The following HMGB1 variants were observed in gnomAD, a reference collection of about 807,000 sequenced individuals.
The protein encoded by HMGB1 is high mobility group box 1.
For synonymous variants in HMGB1, 81 were observed against 84.0 expected (o/e 0.96, Z 0.19); for missense variants, 79 against 253.5 (o/e 0.31, Z 4.67).
At chr13:30,610,099 C>G (rs1161722390) in intron 1 of HMGB1, among the ~76,000 whole-genome samples, 1 of 151,796 alleles carries the variant, frequency 6.6e-6, no homozygotes, top group Non-Finnish European at 1.5e-5. Context: ...TTCTTAGTAA[C>G]TTTTTTTCTC....
In HMGB1 at chr13:30,583,757, T is replaced by C. The variant is rs1871010844; in HGVS notation, c.-15+32914A>G. Among the ~76,000 whole-genome samples the C allele has an allele frequency of 3.4e-5, 5 of 147,710 alleles. No individual in the cohort carries two copies. In the South Asian group the frequency reaches 1.1e-3, roughly 31 times the overall value. On this transcript the variant is annotated intron_variant, in intron 1 of 4. Coordinates refer to the HMGB1 transcript ENST00000405805. ...GGGAGGCTGAGGCAGGAGAATTGCT[T>C]GAACCCGGGAGGCGAAGGTTGCAGT...
intron 1 of HMGB1, among the ~76,000 whole-genome samples, chr13:30,582,528 C>T (rs1870946980): frequency 1.3e-5 from 2 of 151,968 alleles, no homozygotes; most frequent in Admixed American, 6.6e-5. Flanking sequence ...GTCCCAGCTA[C>T]TCGGGAGGCT....
chr13:30,554,586 A>G, intron 1 of HMGB1: 2 of 772,008 alleles, frequency 2.6e-6, no homozygotes, highest in South Asian at 2.7e-5. Flanking sequence ...CATTCACCGA[A>G]CAAAATAATG....
intron 1 of HMGB1, chr13:30,464,047 C>T (rs1317036870): frequency 1.5e-5 from 14 of 947,772 alleles, no homozygotes; most frequent in African/African-American, 1.4e-4. Context: ...ACCAACCAAA[C>T]CAAAGGTCAG....
At chr13:30,584,524 C>T (rs952382071) in intron 1 of HMGB1, among the ~76,000 whole-genome samples, 14 of 152,192 alleles carry the variant, frequency 9.2e-5, no homozygotes, top group Non-Finnish European at 2.1e-4. Context: ...AGGGCAGAGA[C>T]TGTTTCATTC....
chr13:30,510,600 C>A (rs990669812), intron 1 of HMGB1, among the ~76,000 whole-genome samples: 1 of 152,136 alleles, frequency 6.6e-6, no homozygotes, highest in Non-Finnish European at 1.5e-5. Flanking sequence ...AGGCTCATCA[C>A]TCAGTTTGTA....
At chr13:30,530,193 G>A (rs1224606532) in intron 1 of HMGB1, among the ~76,000 whole-genome samples, 1 of 152,100 alleles carries the variant, frequency 6.6e-6, no homozygotes, top group African/African-American at 2.4e-5. Context: ...TTCTTGTGAT[G>A]GGTCACAAAA....
intron 1 of HMGB1, among the ~76,000 whole-genome samples, chr13:30,596,101 T>C (rs1871597999): frequency 6.6e-6 from 1 of 152,126 alleles, no homozygotes; most frequent in Admixed American, 6.5e-5. Context: ...TGGTAAGAAA[T>C]ATTAGGTGAT....
intron 1 of HMGB1, among the ~76,000 whole-genome samples, chr13:30,614,238 A>T (rs1950539660): frequency 6.6e-6 from 1 of 152,246 alleles, no homozygotes; most frequent in African/African-American, 2.4e-5. Flanking sequence ...CACGTGAATG[A>T]ATGTGTTACC....
chr13:30,538,451 A>ATTCATTCTTTCTTTCT (rs1868555065), intron 1 of HMGB1, among the ~76,000 whole-genome samples: 1 of 90,612 alleles, frequency 1.1e-5, no homozygotes. Context: ...AGTACTAGCA[A>ATTCATTCTTTCTTTCT]TTCTTTCTTT....
chr13:30,576,484 T>C (rs1474595069), intron 1 of HMGB1, among the ~76,000 whole-genome samples: 1 of 152,112 alleles, frequency 6.6e-6, no homozygotes, highest in African/African-American at 2.4e-5. Flanking sequence ...CCCTGTTGCC[T>C]GGAATTCTCT....
chr13:30,459,662 A>G lies in HMGB1; in HGVS notation c.*1695T>C, dbSNP rs1886185272. On this transcript the variant is annotated 3_prime_UTR_variant, in exon 5 of 5. Transcript: ENST00000341423. ...TTATATATAGCACCGAATACTTGCA[A>G]TGTTTGACAAAACCTTTTATCAGCC... 6.6e-6 allele frequency: 1 copy of G among 152,198 alleles called. No individual in the cohort carries two copies. Among genetic ancestry groups the G allele is most frequent in the South Asian group, 2.1e-4 (1 of 4,834 alleles). 9.4% of individuals were successfully genotyped at this position (152,198 alleles called of 1,614,324 possible). A position where few individuals can be genotyped will look rare whatever the true frequency, so the allele number is the denominator to read the frequency against.
At chr13:30,516,757 AAAAT>A (rs1237872310) in intron 1 of HMGB1, among the ~76,000 whole-genome samples, 4 of 152,076 alleles carry the variant, frequency 2.6e-5, no homozygotes, top group Non-Finnish European at 4.4e-5. Flanking sequence ...GTCTATACAA[AAAAT>A]AAAAAATTAG....
chr13:30,588,062 C>T (rs1871226889), intron 1 of HMGB1, among the ~76,000 whole-genome samples: 1 of 152,182 alleles, frequency 6.6e-6, no homozygotes, highest in South Asian at 2.1e-4. Flanking sequence ...GTCTGCCAGT[C>T]TATTTATCAT....
intron 1 of HMGB1, among the ~76,000 whole-genome samples, chr13:30,602,797 G>A (rs1950416458): frequency 6.6e-6 from 1 of 152,118 alleles, no homozygotes; most frequent in African/African-American, 2.4e-5. Flanking sequence ...TTCCTTGTCT[G>A]AGAGAAACAC....
At chr13:30,505,649 G>C (rs34391864) in intron 1 of HMGB1, among the ~76,000 whole-genome samples, 25,112 of 151,756 alleles carry the variant, frequency 0.17, 2,146 homozygotes, top group Middle Eastern at 0.21. Context: ...TGCAAAAGTA[G>C]AGTATAACGA....
intron 1 of HMGB1, among the ~76,000 whole-genome samples, chr13:30,526,926 A>G (rs1888380913): frequency 6.6e-6 from 1 of 152,244 alleles, no homozygotes; most frequent in African/African-American, 2.4e-5. Flanking sequence ...TCCGTGCTCC[A>G]TTAGGAATGT....
intron 1 of HMGB1, among the ~76,000 whole-genome samples, chr13:30,532,518 A>G (rs1326809724): frequency 6.6e-6 from 1 of 151,842 alleles, no homozygotes; most frequent in Non-Finnish European, 1.5e-5. Context: ...TTTTTTATAT[A>G]TGTTTTTTGA....
chr13:30,606,736 C>A (rs1374432053), intron 1 of HMGB1, among the ~76,000 whole-genome samples: 2 of 152,216 alleles, frequency 1.3e-5, no homozygotes, highest in African/African-American at 4.8e-5. Context: ...GGTCACTCAT[C>A]TGTAAGTACT....
Sources: gnomAD v4.1 joint callset for allele counts (sites outside exome capture counted in the v4.1 genomes callset) on GRCh38, gnomAD v4.1.1 for gene constraint, MANE v1.5 for transcripts, NCBI Gene and HGNC (gene_info 2026-07-23, HGNC 2026-07-21) for gene names.